The following CFAP221 variants were observed in gnomAD, a reference collection of about 807,000 sequenced individuals.
CFAP221 encodes the protein cilia and flagella associated protein 221.
In CFAP221, 97 loss-of-function variants were observed where a neutral mutation model predicts 113.1. That is an observed-to-expected ratio of 0.86 (90% CI 0.73 to 1.02). CFAP221 has a LOEUF of 1.02. Ranked by LOEUF, CFAP221 falls within the 50% of genes least tolerant of loss-of-function variation. The pLI is 0.00. For synonymous variants in CFAP221, 331 were observed against 354.4 expected (o/e 0.93, Z 0.74); for missense variants, 1,025 against 1,013.4 (o/e 1.01, Z -0.16).
intron 7 of CFAP221, among the ~76,000 whole-genome samples, chr2:119,594,815 A>T (rs930038741): frequency 4.6e-5 from 7 of 152,228 alleles, no homozygotes; most frequent in Non-Finnish European, 1.0e-4. Flanking sequence ...TATGAAGTAG[A>T]TTCCATTATT....
At chr2:119,579,745 T>C (rs1682713484) in intron 6 of CFAP221, among the ~76,000 whole-genome samples, 2 of 152,236 alleles carry the variant, frequency 1.3e-5, no homozygotes, top group African/African-American at 4.8e-5. Context: ...ATGGGACTTA[T>C]CAGAGCTGTG....
At chr2:119,611,420 CAAA>C (rs10689517) in intron 12 of CFAP221, among the ~76,000 whole-genome samples, 7 of 113,492 alleles carry the variant, frequency 6.2e-5, no homozygotes, top group African/African-American at 1.2e-4. Flanking sequence ...GAGACAACGT[CAAA>C]AAAAAAAAAA....
intron 16 of CFAP221, 95 bp from the exon 17 acceptor site, chr2:119,629,780 C>T: frequency 1.0e-6 from 1 of 993,070 alleles, no homozygotes. Flanking sequence ...GAGAGTAGAA[C>T]TGGTCACTAA....
chr2:119,638,561 C>T (rs554960937), intron 20 of CFAP221, 144 bp downstream of exon 20: 82 of 1,088,866 alleles, frequency 7.5e-5, no homozygotes, highest in Middle Eastern at 3.1e-4. Flanking sequence ...CCCCTCATAC[C>T]GCCAGCCCTA....
downstream of CFAP221, among the ~76,000 whole-genome samples, chr2:119,659,715 C>T (rs1292440494): frequency 2.6e-5 from 2 of 75,578 alleles, no homozygotes; most frequent in Non-Finnish European, 6.5e-5. Flanking sequence ...GCATAACCCA[C>T]TCGTCCGCAC....
At chr2:119,564,178 G>C (rs1257060090) in intron 6 of CFAP221, among the ~76,000 whole-genome samples, 2 of 152,112 alleles carry the variant, frequency 1.3e-5, no homozygotes, top group Non-Finnish European at 2.9e-5. Context: ...GGTGGTAGAG[G>C]CTTATGGACC....
At chr2:119,577,064 A>G (rs1051419510) in intron 6 of CFAP221, among the ~76,000 whole-genome samples, 4 of 152,248 alleles carry the variant, frequency 2.6e-5, no homozygotes, top group Admixed American at 6.5e-5. Context: ...GCAAATTCCC[A>G]TAGACTGGGA....
intron 6 of CFAP221, among the ~76,000 whole-genome samples, chr2:119,570,072 A>G (rs150503864): frequency 4.0e-4 from 61 of 152,328 alleles, no homozygotes; most frequent in African/African-American, 1.5e-3. Flanking sequence ...GCCAGACATC[A>G]TGTACTGGGT....
chr2:119,614,433 G>T (rs1053814436), intron 13 of CFAP221, among the ~76,000 whole-genome samples: 1 of 152,208 alleles, frequency 6.6e-6, no homozygotes, highest in African/African-American at 2.4e-5. Context: ...AAAGGAAAGA[G>T]GTTTAATTGA....
intron 14 of CFAP221, among the ~76,000 whole-genome samples, chr2:119,616,401 G>A (rs1685529783): frequency 6.6e-6 from 1 of 152,154 alleles, no homozygotes; most frequent in African/African-American, 2.4e-5. Context: ...GAGTAAAAAT[G>A]GGATATTGAT....
chr2:119,580,500 G>A (rs1202109523), intron 6 of CFAP221: 1 of 152,088 alleles, frequency 6.6e-6, no homozygotes, highest in Non-Finnish European at 1.5e-5. Context: ...AAATTAATTA[G>A]AAACAGGGCA....
rs149661184 is a variant in CFAP221 at position 119,635,542 on chromosome 2, G to A, written c.1975-2717G>A. On this transcript the variant is annotated intron_variant, in intron 19 of 23. Transcript: ENST00000413369. ...GATGGTGTGGAGGGGCAGGAAGTGAGGATGGGGGAATGATGAAGGGCATGA... is the reference window on the plus strand; with the variant it reads ...GATGGTGTGGAGGGGCAGGAAGTGAAGATGGGGGAATGATGAAGGGCATGA... Among the ~76,000 whole-genome samples the A allele has an allele frequency of 7.4e-4, 113 of 152,246 alleles. 2 individuals carry two copies. Among genetic ancestry groups the A allele is most frequent in the African/African-American group, 2.6e-3 (106 of 41,552 alleles).
intron 14 of CFAP221, among the ~76,000 whole-genome samples, chr2:119,617,199 A>AAG (rs1558966478): frequency 3.9e-5 from 6 of 152,204 alleles, no homozygotes; most frequent in African/African-American, 1.4e-4. Context: ...GACTTGTGGC[A>AAG]GTCTAGGTAG....
intron 21 of CFAP221, among the ~76,000 whole-genome samples, chr2:119,642,559 T>C (rs968580752): frequency 1.1e-5 from 1 of 88,426 alleles, no homozygotes; most frequent in Non-Finnish European, 2.3e-5. Flanking sequence ...TTTTTTTTTT[T>C]AGATGAGATA....
intron 11 of CFAP221, among the ~76,000 whole-genome samples, chr2:119,605,944 T>C (rs1035193563): frequency 6.6e-6 from 1 of 152,134 alleles, no homozygotes; most frequent in Non-Finnish European, 1.5e-5. Context: ...TTATTCATAA[T>C]AGCCAAAAAG....
At chr2:119,562,210 C>T (rs1681293894) in intron 6 of CFAP221, 96 bp downstream of exon 6, 1 of 574,830 alleles carries the variant, frequency 1.7e-6, no homozygotes. Flanking sequence ...AATGGAAGTT[C>T]ATCCTTCCAC....
chr2:119,559,708 A>G lies in CFAP221; in HGVS notation c.260A>G (p.Asn87Ser), dbSNP rs115845526. 33 of 1,531,384 alleles carry G rather than the reference A, an allele frequency of 2.2e-5. No individual in the cohort carries two copies. The highest frequency in any genetic ancestry group is 4.9e-5 in the East Asian group (2 of 40,894). The allele number at this position is 1,531,384 out of a possible 1,614,324, so 94.9% of individuals were successfully genotyped here. ...TCCCAGCATCTGGTCAATGTTTCCA[A>G]TGAAGACACACGTGTTCATATTTTA... ...QQILHLVNVS[N>S]EDTRVHILPP... Residue 87 changes from asparagine (N) to serine (S), a missense_variant, in exon 4 of 24, where the codon AAT becomes AGT. Coordinates refer to ENST00000413369, the MANE Select transcript of CFAP221 (RefSeq NM_001271049.2).
intron 6 of CFAP221, among the ~76,000 whole-genome samples, chr2:119,572,147 A>G (rs1383707340): frequency 6.6e-6 from 1 of 152,198 alleles, no homozygotes; most frequent in African/African-American, 2.4e-5. Flanking sequence ...ATAAAATTCT[A>G]TGTGGGCACT....
chr2:119,657,081 G>A (rs1284258897), downstream of CFAP221, among the ~76,000 whole-genome samples: 1 of 152,170 alleles, frequency 6.6e-6, no homozygotes, highest in South Asian at 2.1e-4. Context: ...ACACATGTCA[G>A]TAAAAACCAG....
Sources: gnomAD v4.1 joint callset for allele counts (sites outside exome capture counted in the v4.1 genomes callset) on GRCh38, gnomAD v4.1.1 for gene constraint, MANE v1.5 for transcripts, NCBI Gene and HGNC (gene_info 2026-07-23, HGNC 2026-07-21) for gene names.